PLA2R1: variants seen among roughly 807,000 people sequenced by gnomAD.
PLA2R1 encodes phospholipase A2 receptor 1.
In PLA2R1, 158 loss-of-function variants were observed where a neutral mutation model predicts 195.9. That is an observed-to-expected ratio of 0.81 (90% confidence interval 0.71 to 0.92). The LOEUF is 0.92. PLA2R1 is among the 40% of genes least tolerant of loss of function. PLA2R1 has a pLI of 0.00. For missense variants in PLA2R1, 1,626 were observed against 1,764.6 expected, an observed-to-expected ratio of 0.92 and a Z score of 1.41; for synonymous variants, 586 against 598.2, an observed-to-expected ratio of 0.98 and a Z score of 0.30.
Position 160,016,136 on chromosome 2 carries a change from C to A in PLA2R1, c.1551+478G>T, listed in dbSNP as rs192667442. Among the ~76,000 whole-genome samples, 96 of 152,004 alleles carry A rather than the reference C, an allele frequency of 6.3e-4. 1 individual carries two copies. The East Asian group carries it at 0.018, about 28-fold the overall frequency. On this transcript the variant is annotated intron_variant, in intron 9 of 29. Transcript: ENST00000283243. Reference sequence around the variant, plus strand: ...AAAATTAGCCAGGCGTAGTGGCGCACGCCTGTAATCCCAGCTACTCGGGAG... The same window carrying A: ...AAAATTAGCCAGGCGTAGTGGCGCAAGCCTGTAATCCCAGCTACTCGGGAG...
At chr2:159,971,977 G>A (rs1298465361) in intron 17 of PLA2R1, among the ~76,000 whole-genome samples, 3 of 152,130 alleles carry the variant, frequency 2.0e-5, no homozygotes, top group East Asian at 1.9e-4. Context: ...CCCATTGTCA[G>A]ACGTTGGAAT....
intron 11 of PLA2R1, among the ~76,000 whole-genome samples, chr2:159,991,114 A>C (rs1478051906): frequency 1.3e-5 from 2 of 152,224 alleles, no homozygotes; most frequent in Non-Finnish European, 2.9e-5. Context: ...GCATTCAATA[A>C]GCAGTTGAAT....
intron 1 of PLA2R1, among the ~76,000 whole-genome samples, chr2:160,048,254 A>G (rs1468383951): frequency 6.6e-6 from 1 of 152,244 alleles, no homozygotes; most frequent in Non-Finnish European, 1.5e-5. Context: ...CATATTAGAC[A>G]CACCTAATCC....
In PLA2R1 at chr2:159,956,501, G is replaced by A. The variant is rs762986274; in HGVS notation, c.3022+9C>T. 10 of 1,464,910 alleles carry A rather than the reference G, an allele frequency of 6.8e-6. No homozygotes were observed. The highest frequency in any genetic ancestry group is 9.6e-6 in the Non-Finnish European group (10 of 1,043,632). 90.7% of individuals were successfully genotyped at this position (1,464,910 alleles called of 1,614,324 possible). On this transcript the variant is annotated intron_variant, in intron 21 of 29. Transcript: ENST00000283243. ...TTATCTTGGCCTGGTTGGATCTTGA[G>A]TACTCTACCTTGCTCCACCTCACTT...
At position 159,945,046 on chromosome 2, in the gene PLA2R1, T is replaced by C; in HGVS notation, c.4004A>G (p.Asp1335Gly). ...TIKWFDGTPTDQSNWGIRKPD... is the reference protein window; with the variant it reads ...TIKWFDGTPTGQSNWGIRKPD... ...CTTCCGAATGCCCCAGTTTGACTGGTCTGTGGGAGTTCCATCAAACCACTT... is the reference window on the plus strand; with the variant it reads ...CTTCCGAATGCCCCAGTTTGACTGGCCTGTGGGAGTTCCATCAAACCACTT... Residue 1335 changes from aspartate (D) to glycine (G), a missense_variant, in exon 28 of 30, where the codon GAC becomes GGC. By Grantham distance (94) the Asp-to-Gly change is moderately conservative. Transcript: ENST00000283243. The C allele has an allele frequency of 6.2e-7, 1 of 1,613,508 alleles. No homozygotes were observed.
chr2:159,978,013 G>A (rs1689693382), intron 14 of PLA2R1, among the ~76,000 whole-genome samples: 1 of 152,072 alleles, frequency 6.6e-6, no homozygotes, highest in Admixed American at 6.6e-5. Context: ...TGCAAGCTTT[G>A]GTCTGAATTT....
intron 12 of PLA2R1, 146 bp downstream of exon 12, chr2:159,987,010 G>A (rs1690393247): frequency 1.6e-6 from 1 of 620,410 alleles, no homozygotes; most frequent in Non-Finnish European, 2.9e-6. Flanking sequence ...ATAGAGACAG[G>A]CAACAAATGT....
intron 13 of PLA2R1, among the ~76,000 whole-genome samples, chr2:159,980,826 C>T (rs1689895940): frequency 6.6e-6 from 1 of 152,164 alleles, no homozygotes; most frequent in Non-Finnish European, 1.5e-5. Flanking sequence ...ACTTTATTTT[C>T]CTTTGTGCAG....
Position 160,042,060 on chromosome 2 carries a change from T to C in PLA2R1, c.632A>G (p.Glu211Gly). The C allele has an allele frequency of 1.9e-6, 3 of 1,614,164 alleles. No individual in the cohort carries two copies. Among genetic ancestry groups the C allele is most frequent in the Non-Finnish European group, 2.5e-6 (3 of 1,179,970 alleles). ...LLWCATTSRY[E>G]RDEKWGFCPD... ...GCAAAATCCCCACTTTTCATCTCTT[T>C]CATAACGGCTTGTCGTGGCACACCA... The change falls in exon 3 of 30, where the codon GAA (glutamate) becomes GGA (glycine). Residue 211 changes from glutamate (E) to glycine (G), a missense_variant. Coordinates refer to ENST00000283243, the MANE Select transcript of PLA2R1 (RefSeq NM_007366.5).
intron 1 of PLA2R1, among the ~76,000 whole-genome samples, chr2:160,056,358 C>G (rs890476986): frequency 2.0e-5 from 3 of 152,170 alleles, no homozygotes; most frequent in South Asian, 2.1e-4. Context: ...AAACTCTACT[C>G]GACTTTAGCT....
At chr2:160,047,794 T>A (rs1694964977) in intron 1 of PLA2R1, among the ~76,000 whole-genome samples, 1 of 152,168 alleles carries the variant, frequency 6.6e-6, no homozygotes, top group Non-Finnish European at 1.5e-5. Flanking sequence ...ACATGAAAAT[T>A]ACAAACCTAA....
At chr2:159,947,121 T>A (rs1687439723) in intron 26 of PLA2R1, among the ~76,000 whole-genome samples, 1 of 152,208 alleles carries the variant, frequency 6.6e-6, no homozygotes, top group African/African-American at 2.4e-5. Flanking sequence ...GCATAGAATA[T>A]TAATTTTAGG....
the PLA2R1 span, among the ~76,000 whole-genome samples, chr2:159,924,079 T>C: frequency 6.6e-6 from 1 of 152,208 alleles, no homozygotes; most frequent in Non-Finnish European, 1.5e-5. Context: ...CCTTTCCAGC[T>C]TCTGGGGTCT....
chr2:159,972,602 A>G (rs1689264326), intron 17 of PLA2R1, among the ~76,000 whole-genome samples: 1 of 152,210 alleles, frequency 6.6e-6, no homozygotes, highest in Non-Finnish European at 1.5e-5. Flanking sequence ...ATTTTGGAGG[A>G]GGACTAATAG....
chr2:159,929,571 C>T (rs984254085), downstream of PLA2R1, among the ~76,000 whole-genome samples: 1 of 152,104 alleles, frequency 6.6e-6, no homozygotes, highest in Non-Finnish European at 1.5e-5. Context: ...ACTAGTACAA[C>T]CACTATGGAA....
At chr2:159,997,031 C>T (rs1055983771) in intron 11 of PLA2R1, among the ~76,000 whole-genome samples, 6 of 152,136 alleles carry the variant, frequency 3.9e-5, no homozygotes, top group African/African-American at 1.4e-4. Flanking sequence ...AGCTGACTGG[C>T]TCTGATGCTT....
chr2:160,033,757 G>A (rs1693997373), intron 3 of PLA2R1, among the ~76,000 whole-genome samples: 1 of 152,218 alleles, frequency 6.6e-6, no homozygotes, highest in South Asian at 2.1e-4. Context: ...GAAATGTGGA[G>A]CTGAAGTCTG....
chr2:159,969,848 G>A (rs1456074433), intron 18 of PLA2R1, among the ~76,000 whole-genome samples: 2 of 151,902 alleles, frequency 1.3e-5, no homozygotes, highest in Non-Finnish European at 2.9e-5. Flanking sequence ...CAGCTAAGAG[G>A]GTAGATTTTA....
chr2:160,029,176 G>A (rs1273537811), intron 4 of PLA2R1, among the ~76,000 whole-genome samples: 1 of 152,158 alleles, frequency 6.6e-6, no homozygotes, highest in Non-Finnish European at 1.5e-5. Flanking sequence ...AACTGTGAAT[G>A]CTTCATGCAA....
Sources: gnomAD v4.1 joint callset for allele counts (sites outside exome capture counted in the v4.1 genomes callset) on GRCh38, gnomAD v4.1.1 for gene constraint, MANE v1.5 for transcripts, NCBI Gene and HGNC (gene_info 2026-07-23, HGNC 2026-07-21) for gene names.